SRGAP3: variants seen among roughly 807,000 people sequenced by gnomAD.
SRGAP3 encodes the protein SLIT-ROBO Rho GTPase activating protein 3.
In SRGAP3, 39 loss-of-function variants were observed where a neutral mutation model predicts 121.1. The observed-to-expected ratio is 0.32, with a 90% confidence interval of 0.25 to 0.42. The LOEUF is 0.42. Among genes scored for constraint, SRGAP3 ranks in the 10% least tolerant of loss-of-function variants. The probability of loss-of-function intolerance (pLI) is 1.00; values close to 1 mark genes in which losing one functional copy is unlikely to be tolerated. For missense variants in SRGAP3, 1,213 were observed against 1,470.6 expected (o/e 0.82, Z 2.86); for synonymous variants, 601 against 570.0 (o/e 1.05, Z -0.77).
chr3:9,246,316 T>C (rs1036134250), intron 1 of SRGAP3, among the ~76,000 whole-genome samples: 16 of 152,250 alleles, frequency 1.1e-4, no homozygotes, highest in African/African-American at 3.1e-4. Flanking sequence ...GGGAGAAAGG[T>C]AATTGGCCTC....
At chr3:9,009,670 C>T (rs1429590896) in intron 18 of SRGAP3, among the ~76,000 whole-genome samples, 3 of 151,976 alleles carry the variant, frequency 2.0e-5, no homozygotes, top group East Asian at 3.9e-4. Flanking sequence ...GAGACTAGTC[C>T]GACTCTCTTC....
chr3:9,141,556 GTGTGTGTGTGT>G (rs1949850218), intron 1 of SRGAP3, among the ~76,000 whole-genome samples: 1 of 13,988 alleles, frequency 7.1e-5, no homozygotes, highest in African/African-American at 1.6e-4. Context: ...CTTCAGGGGT[GTGTGTGTGTGT>G]GTGTGTGTGT....
chr3:9,047,880 C>A (rs1945368795), intron 9 of SRGAP3, among the ~76,000 whole-genome samples: 1 of 152,252 alleles, frequency 6.6e-6, no homozygotes, highest in Non-Finnish European at 1.5e-5. Context: ...GGCCACGCAG[C>A]CGAAGCTAGG....
Position 9,141,108 on chromosome 3 carries a change from G to GA in SRGAP3, c.68-16192dup, listed in dbSNP as rs1163930339. On this transcript the variant is annotated intron_variant, in intron 1 of 21. Transcript: ENST00000383836. The stretch of plus-strand genomic sequence containing the variant: ...GCTTATGACTCTGGAAACCTTCCCA[G>GA]AAAATCTCACTTTAGTTACTGCTGG... 6.6e-5 allele frequency among the ~76,000 whole-genome samples: 10 copies of GA among 152,280 alleles called. No individual in the cohort carries two copies. In the South Asian group the frequency reaches 1.2e-3, roughly 19 times the overall value.
intron 3 of SRGAP3, among the ~76,000 whole-genome samples, chr3:9,284,615 A>G (rs780821038): frequency 6.6e-6 from 1 of 152,128 alleles, no homozygotes; most frequent in Non-Finnish European, 1.5e-5. Context: ...GGATTATTTG[A>G]GCTCAGGAGT....
intron 18 of SRGAP3, among the ~76,000 whole-genome samples, chr3:8,997,154 T>C (rs1574870452): frequency 1.3e-5 from 2 of 152,364 alleles, no homozygotes; most frequent in Non-Finnish European, 2.9e-5. Flanking sequence ...GGGCTTCTCG[T>C]GCCTGAAACA....
At chr3:9,244,316 C>T (rs914940262) in intron 1 of SRGAP3, among the ~76,000 whole-genome samples, 3 of 152,112 alleles carry the variant, frequency 2.0e-5, no homozygotes, top group African/African-American at 7.2e-5. Context: ...AGATAATCAA[C>T]TTTTGTTGAA....
intron 1 of SRGAP3, among the ~76,000 whole-genome samples, chr3:9,333,557 A>G (rs1955643385): frequency 6.6e-6 from 1 of 151,678 alleles, no homozygotes; most frequent in Admixed American, 6.6e-5. Flanking sequence ...TCCTCACATA[A>G]CAGTCCTGCA....
chr3:9,078,544 A>C (rs967552972), intron 4 of SRGAP3, among the ~76,000 whole-genome samples: 3 of 152,116 alleles, frequency 2.0e-5, no homozygotes, highest in Admixed American at 1.3e-4. Flanking sequence ...TGACACTCAG[A>C]ACTTCTGGTA....
chr3:9,193,345 GA>G (rs1951818482), intron 1 of SRGAP3: 1 of 152,250 alleles, frequency 6.6e-6, no homozygotes, highest in South Asian at 2.1e-4. Flanking sequence ...TGCCCACAGT[GA>G]TCACTAACTG....
In SRGAP3 at chr3:9,249,263, A is replaced by C; in HGVS notation, c.-312T>G. On this transcript the variant is annotated 5_prime_UTR_variant, in exon 1 of 22. Transcript: ENST00000383836. Reference sequence around the variant, plus strand: ...TTTTTCTTCCAAAAATAATAATAATAGTAATAACCAAGCGCACTCACACAC... The same window carrying C: ...TTTTTCTTCCAAAAATAATAATAATCGTAATAACCAAGCGCACTCACACAC... 2.1e-6 allele frequency: 1 copy of C among 477,370 alleles called. No homozygotes were observed. Among genetic ancestry groups the C allele is most frequent in the East Asian group, 3.7e-5 (1 of 27,286 alleles). The allele number at this position is 477,370 out of a possible 1,614,324, so 29.6% of individuals were successfully genotyped here. A position where few individuals can be genotyped will look rare whatever the true frequency, so the allele number is the denominator to read the frequency against.
At chr3:9,243,007 C>A (rs1953700455) in intron 1 of SRGAP3, among the ~76,000 whole-genome samples, 1 of 152,158 alleles carries the variant, frequency 6.6e-6, no homozygotes, top group African/African-American at 2.4e-5. Flanking sequence ...AGTAACTTAT[C>A]AGCCACTCCT....
At chr3:9,270,539 A>T (rs1954453889) in intron 3 of SRGAP3, among the ~76,000 whole-genome samples, 1 of 152,220 alleles carries the variant, frequency 6.6e-6, no homozygotes. Flanking sequence ...TGCATTTAAT[A>T]TCCCTGTTTC....
chr3:9,127,662 T>C (rs1433577237), intron 1 of SRGAP3, among the ~76,000 whole-genome samples: 2 of 152,174 alleles, frequency 1.3e-5, no homozygotes, highest in Non-Finnish European at 2.9e-5. Flanking sequence ...TTGGCCAGGA[T>C]GGTCTTGATC....
intron 3 of SRGAP3, among the ~76,000 whole-genome samples, chr3:9,316,357 TAA>T (rs879391500): frequency 2.2e-5 from 3 of 135,526 alleles, no homozygotes; most frequent in Non-Finnish European, 4.8e-5. Flanking sequence ...CCTTCTTGGT[TAA>T]AAAAAAAAAA....
chr3:9,122,464 C>T (rs984103128), intron 2 of SRGAP3, among the ~76,000 whole-genome samples: 1 of 152,126 alleles, frequency 6.6e-6, no homozygotes, highest in African/African-American at 2.4e-5. Context: ...AATCCCAGCA[C>T]TTTGGGAGGC....
chr3:9,009,588 T>C (rs1943255781), intron 18 of SRGAP3, among the ~76,000 whole-genome samples: 1 of 152,246 alleles, frequency 6.6e-6, no homozygotes, highest in South Asian at 2.1e-4. Flanking sequence ...CCCTTGGCAC[T>C]ATGCCTACTC....
chr3:9,227,071 C>A (rs974702553), intron 1 of SRGAP3, among the ~76,000 whole-genome samples: 3 of 152,182 alleles, frequency 2.0e-5, no homozygotes, highest in Non-Finnish European at 2.9e-5. Flanking sequence ...CAAGTCCGAG[C>A]CCCTGTCCCA....
chr3:9,079,812 C>T (rs1025174729), intron 4 of SRGAP3, among the ~76,000 whole-genome samples: 1 of 152,232 alleles, frequency 6.6e-6, no homozygotes, highest in African/African-American at 2.4e-5. Context: ...TTTTGACAAA[C>T]TAGACAAGCC....
Sources: allele counts gnomAD v4.1 joint callset (sites outside exome capture counted in the v4.1 genomes callset), GRCh38; gene constraint gnomAD v4.1.1; transcripts MANE v1.5; gene names NCBI Gene and HGNC (gene_info 2026-07-23, HGNC 2026-07-21).